FAM24B: variants seen among roughly 807,000 people sequenced by gnomAD.
FAM24B encodes the protein protein FAM24B.
FAM24B carries 3 observed loss-of-function variants against 2.3 expected under a neutral mutation model. The observed-to-expected ratio is 1.29, with a 90% CI of 0.59 to 3.32. The LOEUF (loss-of-function observed/expected upper bound fraction) is 3.32. Ranked by LOEUF, FAM24B falls within the 30% of genes most tolerant of loss-of-function variation. The probability of loss-of-function intolerance (pLI) is 0.03; values close to 1 mark genes in which losing one functional copy is unlikely to be tolerated. For synonymous variants in FAM24B, 36 were observed against 46.3 expected (o/e 0.78, Z 0.90); for missense variants, 98 against 117.2 (o/e 0.84, Z 0.76).
In FAM24B at chr10:122,849,410, A is replaced by G. The variant is rs199609809; in HGVS notation, c.122T>C (p.Val41Ala). 1.4e-5 allele frequency: 22 copies of G among 1,611,144 alleles called. No homozygotes were observed. Among genetic ancestry groups the G allele is most frequent in the Middle Eastern group, 1.6e-4 (1 of 6,076 alleles). ...KAAKEPEAVA[V>A]KNHNPDKVWW... ...CACCTTGTCTGGGTTGTGATTTTTT[A>G]CAGCCACAGCTTCAGGTTCCTTTGC... Residue 41 changes from valine to alanine, a missense_variant, in exon 4 of 4, where the codon GTA becomes GCA. Val to Ala is a moderately conservative substitution (Grantham distance 64). Coordinates refer to ENST00000368898, the MANE Select transcript of FAM24B (RefSeq NM_152644.3).
At chr10:122,871,225 ACAAGGGATGT>A (rs1391755850) in intron 1 of FAM24B, among the ~76,000 whole-genome samples, 1 of 151,968 alleles carries the variant, frequency 6.6e-6, no homozygotes, top group African/African-American at 2.4e-5. Flanking sequence ...AATCCAACTT[ACAAGGGATGT>A]GAAGGACCTC....
chr10:122,877,556 C>T (rs1462413242), intron 1 of FAM24B, among the ~76,000 whole-genome samples: 1 of 152,178 alleles, frequency 6.6e-6, no homozygotes, highest in Non-Finnish European at 1.5e-5. Context: ...GGGGAAGTTG[C>T]ATATCTTATA....
chr10:122,856,332 T>C (rs1360325519), intron 1 of FAM24B, among the ~76,000 whole-genome samples: 1 of 152,042 alleles, frequency 6.6e-6, no homozygotes, highest in Non-Finnish European at 1.5e-5. Flanking sequence ...AAAAGCCAAA[T>C]ATCATCTATG....
intron 1 of FAM24B, among the ~76,000 whole-genome samples, chr10:122,867,128 C>T (rs941637406): frequency 1.3e-5 from 2 of 152,344 alleles, no homozygotes; most frequent in Admixed American, 1.3e-4. Context: ...CCACAACATT[C>T]CCTCAAGCCA....
intron 1 of FAM24B, among the ~76,000 whole-genome samples, chr10:122,872,167 C>CA (rs1055495307): frequency 2.1e-4 from 32 of 152,148 alleles, no homozygotes; most frequent in Admixed American, 7.2e-4. Context: ...TTTATGCAGC[C>CA]AAAAAACACA....
chr10:122,864,032 C>A (rs1381444152), intron 1 of FAM24B, among the ~76,000 whole-genome samples: 2 of 152,136 alleles, frequency 1.3e-5, no homozygotes, highest in Non-Finnish European at 2.9e-5. Flanking sequence ...GCCACAATCA[C>A]AATGGATAAG....
chr10:122,868,838 T>C (rs1437472368), intron 1 of FAM24B, among the ~76,000 whole-genome samples: 1 of 152,120 alleles, frequency 6.6e-6, no homozygotes, highest in Non-Finnish European at 1.5e-5. Flanking sequence ...CATGCCAAAC[T>C]GTAAAGACCA....
At chr10:122,862,912 G>T (rs1404674347) in intron 1 of FAM24B, among the ~76,000 whole-genome samples, 1 of 151,884 alleles carries the variant, frequency 6.6e-6, no homozygotes, top group Non-Finnish European at 1.5e-5. Flanking sequence ...TCACTGTGTG[G>T]CCAACTCTTC....
intron 1 of FAM24B, among the ~76,000 whole-genome samples, chr10:122,861,382 CT>C (rs1847723236): frequency 6.6e-6 from 1 of 152,164 alleles, no homozygotes; most frequent in Admixed American, 6.5e-5. Flanking sequence ...CAAAATAAGT[CT>C]TAAAATTAAT....
chr10:122,876,220 G>C (rs1235531131), intron 1 of FAM24B, among the ~76,000 whole-genome samples: 1 of 152,082 alleles, frequency 6.6e-6, no homozygotes, highest in African/African-American at 2.4e-5. Context: ...TATGACCCTT[G>C]GTCGAATTCT....
chr10:122,873,292 T>C (rs1282246976), intron 1 of FAM24B, among the ~76,000 whole-genome samples: 1 of 152,244 alleles, frequency 6.6e-6, no homozygotes, highest in Non-Finnish European at 1.5e-5. Flanking sequence ...CCAACGCTCA[T>C]TTACCATTCT....
intron 2 of FAM24B, among the ~76,000 whole-genome samples, chr10:122,853,248 G>A (rs546329405): frequency 1.3e-5 from 2 of 152,230 alleles, no homozygotes; most frequent in South Asian, 2.1e-4. Flanking sequence ...AAAAGCCACA[G>A]CCTCTGCACC....
intron 1 of FAM24B, among the ~76,000 whole-genome samples, chr10:122,856,483 C>A (rs142288287): frequency 1.3e-5 from 2 of 152,170 alleles, no homozygotes; most frequent in Admixed American, 1.3e-4. Flanking sequence ...GGGGAGTCAG[C>A]GGTGCCTGCC....
intron 1 of FAM24B, among the ~76,000 whole-genome samples, chr10:122,858,467 G>A (rs1317475163): frequency 1.3e-5 from 2 of 151,820 alleles, no homozygotes; most frequent in Non-Finnish European, 2.9e-5. Flanking sequence ...ACGAGTTAAT[G>A]GGTGCAGCAC....
intron 1 of FAM24B, among the ~76,000 whole-genome samples, chr10:122,856,498 A>C (rs1044369274): frequency 6.6e-6 from 1 of 152,182 alleles, no homozygotes; most frequent in African/African-American, 2.4e-5. Flanking sequence ...CCTGCCTTCA[A>C]GGGGCAGCCT....
At chr10:122,869,757 C>T (rs1048623938) in intron 1 of FAM24B, among the ~76,000 whole-genome samples, 1 of 152,028 alleles carries the variant, frequency 6.6e-6, no homozygotes, top group Non-Finnish European at 1.5e-5. Context: ...ACACAGCATA[C>T]CAGAATCTCT....
In FAM24B at chr10:122,855,806, A is replaced by G. The variant is rs1045431092; in HGVS notation, c.-177-20T>C. The G allele has an allele frequency of 4.6e-5, 7 of 152,250 alleles. No homozygotes were observed. Among genetic ancestry groups the G allele is most frequent in the Non-Finnish European group, 1.0e-4 (7 of 68,062 alleles). 9.4% of individuals were successfully genotyped at this position (152,250 alleles called of 1,614,324 possible). ...AGGCAACTGGAGAGGGGAAAAGAGA[A>G]CAGCTCAAGTACTCTCTAGCTCAGG... On this transcript the variant is annotated intron_variant, in intron 1 of 3. Coordinates refer to ENST00000368898, the MANE Select transcript of FAM24B (RefSeq NM_152644.3).
At chr10:122,875,846 G>A in intron 1 of FAM24B, among the ~76,000 whole-genome samples, 1 of 152,136 alleles carries the variant, frequency 6.6e-6, no homozygotes, top group East Asian at 1.9e-4. Context: ...GAGGCAAAAT[G>A]GCAGAGTTTA....
chr10:122,868,971 T>A (rs1180791196), intron 1 of FAM24B, among the ~76,000 whole-genome samples: 1 of 152,160 alleles, frequency 6.6e-6, no homozygotes, highest in African/African-American at 2.4e-5. Flanking sequence ...ATGCTCCAAT[T>A]AAAAGGCACA....
Sources: allele counts gnomAD v4.1 joint callset (sites outside exome capture counted in the v4.1 genomes callset), GRCh38; gene constraint gnomAD v4.1.1; transcripts MANE v1.5; gene names NCBI Gene and HGNC (gene_info 2026-07-23, HGNC 2026-07-21).